The following HS6ST1 variants were observed in gnomAD, a reference collection of about 807,000 sequenced individuals.
HS6ST1 encodes heparan sulfate 6-O-sulfotransferase 1.
HS6ST1 carries 3 observed loss-of-function variants against 25.2 expected under a neutral mutation model. The observed-to-expected ratio is 0.12, with a 90% CI of 0.05 to 0.31. HS6ST1 has a LOEUF of 0.31. HS6ST1 is among the 10% of genes least tolerant of loss of function. The pLI is 1.00. For missense variants in HS6ST1, 310 were observed against 609.6 expected, an observed-to-expected ratio of 0.51 and a Z score of 5.18; for synonymous variants, 204 against 275.1, an observed-to-expected ratio of 0.74 and a Z score of 2.56.
At chr2:128,300,596 G>A (rs986027846) in intron 1 of HS6ST1, among the ~76,000 whole-genome samples, 4 of 152,320 alleles carry the variant, frequency 2.6e-5, no homozygotes, top group Admixed American at 2.6e-4. Context: ...AGGACTGTCT[G>A]TCTAGCACCT....
At chr2:128,315,761 G>T (rs1237975730) in intron 1 of HS6ST1, among the ~76,000 whole-genome samples, 1 of 152,206 alleles carries the variant, frequency 6.6e-6, no homozygotes, top group African/African-American at 2.4e-5. Flanking sequence ...TCAGCAGGTG[G>T]ACCTCAGTGC....
intron 1 of HS6ST1, among the ~76,000 whole-genome samples, chr2:128,273,262 C>T (rs915090214): frequency 2.0e-5 from 3 of 152,252 alleles, no homozygotes; most frequent in African/African-American, 7.2e-5. Flanking sequence ...CCACGGCTCC[C>T]TGTGCACCTT....
intron 1 of HS6ST1, among the ~76,000 whole-genome samples, chr2:128,312,250 G>A (rs879724289): frequency 5.9e-5 from 9 of 152,258 alleles, no homozygotes; most frequent in Non-Finnish European, 1.3e-4. Flanking sequence ...AGGACAGACA[G>A]ACAGATGTCC....
At chr2:128,269,919 A>G (rs734192) in intron 1 of HS6ST1, among the ~76,000 whole-genome samples, 79,717 of 152,028 alleles carry the variant, frequency 0.52, 21,432 homozygotes, top group East Asian at 0.72. Context: ...GGGGGCATGG[A>G]GGGACCCCGG....
chr2:128,295,349 G>T (rs760244428), intron 1 of HS6ST1, among the ~76,000 whole-genome samples: 1 of 152,214 alleles, frequency 6.6e-6, no homozygotes, highest in Non-Finnish European at 1.5e-5. Flanking sequence ...GAAGGCCCTT[G>T]CTCAGGGCCA....
At chr2:128,286,536 C>T (rs1027953954) in intron 1 of HS6ST1, among the ~76,000 whole-genome samples, 7 of 152,170 alleles carry the variant, frequency 4.6e-5, no homozygotes, top group South Asian at 2.1e-4. Flanking sequence ...TTGCACTGCA[C>T]GCCCAGGCTT....
At chr2:128,286,691 GA>G (rs755512043) in intron 1 of HS6ST1, among the ~76,000 whole-genome samples, 98 of 152,250 alleles carry the variant, frequency 6.4e-4, no homozygotes, top group Non-Finnish European at 9.0e-4. Context: ...TAAAAAACAA[GA>G]GGCTTTATTA....
At chr2:128,277,471 C>T (rs1486271963) in intron 1 of HS6ST1, among the ~76,000 whole-genome samples, 1 of 152,244 alleles carries the variant, frequency 6.6e-6, no homozygotes, top group Non-Finnish European at 1.5e-5. Context: ...CTACCACCAT[C>T]CAGTCAGTGA....
At chr2:128,291,471 G>T (rs560817916) in intron 1 of HS6ST1, among the ~76,000 whole-genome samples, 1 of 152,242 alleles carries the variant, frequency 6.6e-6, no homozygotes, top group East Asian at 1.9e-4. Flanking sequence ...TCTCTTGGGG[G>T]CTAGACCTCT....
At chr2:128,317,723 G>A (rs1694394981) in intron 1 of HS6ST1, among the ~76,000 whole-genome samples, 1 of 152,266 alleles carries the variant, frequency 6.6e-6, no homozygotes, top group African/African-American at 2.4e-5. Context: ...GCGCACAGCA[G>A]GTAAGGTGGC....
chr2:128,308,376 T>C lies in HS6ST1; in HGVS notation c.527+9661A>G, dbSNP rs536129100. Reference sequence around the variant, plus strand: ...TCTAGGGAAGGGAGGAACCACTGCATCCGAGGAACAAGGCCTGGGCCCTCA... The same window carrying C: ...TCTAGGGAAGGGAGGAACCACTGCACCCGAGGAACAAGGCCTGGGCCCTCA... On this transcript the variant is annotated intron_variant, in intron 1 of 1. Coordinates refer to ENST00000259241, the MANE Select transcript of HS6ST1 (RefSeq NM_004807.3). 6.5e-4 allele frequency among the ~76,000 whole-genome samples: 99 copies of C among 152,272 alleles called. 1 individual carries two copies. Among genetic ancestry groups the C allele is most frequent in the Admixed American group, 1.2e-3 (18 of 15,300 alleles).
Position 128,318,447 on chromosome 2 carries a change from TC to T in HS6ST1, c.116del (p.Gly39AspfsTer2), listed in dbSNP as rs1350012837. The T allele has an allele frequency of 1.3e-6, 2 of 1,589,550 alleles. No individual in the cohort carries two copies. Among genetic ancestry groups the T allele is most frequent in the Non-Finnish European group, 1.7e-6 (2 of 1,170,840 alleles). On this transcript the variant is annotated frameshift_variant, in exon 1 of 2. Coordinates refer to ENST00000259241, the MANE Select transcript of HS6ST1 (RefSeq NM_004807.3). LOFTEE classifies it high-confidence loss of function. This position sits in a 1 kb window ranked among gnomAD's most constrained non-coding sequence, Gnocchi z 5.7. ...GGCCGCCGGGCGCGCCCAGGCTCAG[TC>T]CTGGGCCCGCGTACTGGTACAAGAT... is the stretch of plus-strand genomic sequence containing the variant. ...MLILYQYAGPGLSLGAPGGRA... is the reference protein window; with the variant it reads ...MLILYQYAGPXLSLGAPGGRA...
In HS6ST1 at chr2:128,306,047, C is replaced by T. The variant is rs13412125; in HGVS notation, c.527+11990G>A. Among the ~76,000 whole-genome samples, 240 of 152,316 alleles carry T rather than the reference C, an allele frequency of 1.6e-3. 1 individual carries two copies. The highest frequency in any genetic ancestry group is 5.4e-3 in the African/African-American group (223 of 41,566). On this transcript the variant is annotated intron_variant, in intron 1 of 1. Transcript: ENST00000259241. ...TGTGTGTGAATCCCAGCTCTGCCAC[C>T]GGTGACCTTAGGTGATGAGTTATTT...
chr2:128,282,719 C>T (rs967366308), intron 1 of HS6ST1, among the ~76,000 whole-genome samples: 2 of 152,224 alleles, frequency 1.3e-5, no homozygotes, highest in African/African-American at 4.8e-5. Flanking sequence ...TCCCACCAAC[C>T]GGTGGAGGCC....
At chr2:128,279,054 G>A (rs778258477) in intron 1 of HS6ST1, among the ~76,000 whole-genome samples, 4 of 152,254 alleles carry the variant, frequency 2.6e-5, no homozygotes, top group Admixed American at 6.5e-5. Context: ...GCATGGGACA[G>A]GGTGTAGGCT....
At position 128,266,366 on chromosome 2, in the gene HS6ST1, C is replaced by T. The variant is rs1184210431; in HGVS notation, c.*1796G>A. 2 of 152,358 alleles carry T rather than the reference C, an allele frequency of 1.3e-5. No homozygotes were observed. Among genetic ancestry groups the T allele is most frequent in the African/African-American group, 4.8e-5 (2 of 41,464 alleles). 9.4% of individuals were successfully genotyped at this position (152,358 alleles called of 1,614,324 possible). On this transcript the variant is annotated 3_prime_UTR_variant, in exon 2 of 2. Coordinates refer to ENST00000259241, the MANE Select transcript of HS6ST1 (RefSeq NM_004807.3). ...ACTAAATCCCCTTGGCACTCACTTCCTTAGTGTGATGCATCCACCCAGGGA... is the reference window on the plus strand; with the variant it reads ...ACTAAATCCCCTTGGCACTCACTTCTTTAGTGTGATGCATCCACCCAGGGA...
chr2:128,266,525 G>A lies in HS6ST1; in HGVS notation c.*1637C>T, dbSNP rs3863733. ...CTTATGCCAGACCTCCAGGGGTAGC[G>A]ACCTCACCTGACCCCAGCTTCGGCT... On this transcript the variant is annotated 3_prime_UTR_variant, in exon 2 of 2. Coordinates refer to ENST00000259241, the MANE Select transcript of HS6ST1 (RefSeq NM_004807.3). The A allele has an allele frequency of 6.6e-6, 1 of 152,306 alleles. No homozygotes were observed. Among genetic ancestry groups the A allele is most frequent in the Non-Finnish European group, 1.5e-5 (1 of 68,110 alleles). The allele number at this position is 152,306 out of a possible 1,614,324, so 9.4% of individuals were successfully genotyped here. A position where few individuals can be genotyped will look rare whatever the true frequency, so the allele number is the denominator to read the frequency against.
intron 1 of HS6ST1, among the ~76,000 whole-genome samples, chr2:128,303,057 G>C (rs1694157215): frequency 6.6e-6 from 1 of 152,228 alleles, no homozygotes; most frequent in Non-Finnish European, 1.5e-5. Flanking sequence ...CCAGGAGCCA[G>C]GCCCACACAT....
intron 1 of HS6ST1, among the ~76,000 whole-genome samples, chr2:128,303,633 A>T (rs1297196093): frequency 6.6e-6 from 1 of 152,192 alleles, no homozygotes; most frequent in Non-Finnish European, 1.5e-5. Context: ...GTTGGCCAAC[A>T]TCCTTCTGCT....
Sources: gnomAD v4.1 joint callset for allele counts (sites outside exome capture counted in the v4.1 genomes callset) on GRCh38, gnomAD v4.1.1 for gene constraint, Gnocchi (gnomAD v3.1) non-coding constraint, MANE v1.5 for transcripts, NCBI Gene and HGNC (gene_info 2026-07-23, HGNC 2026-07-21) for gene names.